Variants in B3GALT1 observed in about 807,000 individuals in gnomAD.
The protein encoded by B3GALT1 is beta-1,3-galactosyltransferase 1.
In B3GALT1, 10 loss-of-function variants were observed where a neutral mutation model predicts 23.2. The ratio of observed to expected loss-of-function variants is 0.43; its 90% CI spans 0.27 to 0.73. The LOEUF is 0.73. B3GALT1 is among the 30% of genes least tolerant of loss of function. The pLI is 0.21. For missense variants in B3GALT1, 299 were observed against 405.4 expected (o/e 0.74, Z 2.25); for synonymous variants, 156 against 141.5 (o/e 1.10, Z -0.73).
chr2:167,729,491 C>T (rs144327328), intron 3 of B3GALT1, among the ~76,000 whole-genome samples: 12 of 152,182 alleles, frequency 7.9e-5, no homozygotes, highest in East Asian at 1.9e-4. Flanking sequence ...TATGGAAAGG[C>T]GATAATAGCC....
At chr2:167,829,247 G>A (rs750281971) in intron 4 of B3GALT1, among the ~76,000 whole-genome samples, 1 of 152,154 alleles carries the variant, frequency 6.6e-6, no homozygotes, top group East Asian at 1.9e-4. Context: ...ACTTTGGGAG[G>A]CCGAGGTAGG....
chr2:167,531,842 A>G (rs1683331766), intron 2 of B3GALT1, among the ~76,000 whole-genome samples: 1 of 152,160 alleles, frequency 6.6e-6, no homozygotes, highest in African/African-American at 2.4e-5. Flanking sequence ...AAGATATTTT[A>G]ATTTACTTAG....
chr2:167,685,500 G>A (rs1188616993), intron 3 of B3GALT1, among the ~76,000 whole-genome samples: 1 of 152,138 alleles, frequency 6.6e-6, no homozygotes, highest in Non-Finnish European at 1.5e-5. Flanking sequence ...AAGAAGCTCA[G>A]GAAAGGCCTG....
intron 3 of B3GALT1, among the ~76,000 whole-genome samples, chr2:167,758,332 T>C (rs2105294915): frequency 1.3e-5 from 2 of 152,268 alleles, no homozygotes. Flanking sequence ...GATGGTGTGT[T>C]GGCTTCATTT....
At chr2:167,671,795 C>G (rs1686329940) in intron 3 of B3GALT1, among the ~76,000 whole-genome samples, 1 of 151,258 alleles carries the variant, frequency 6.6e-6, no homozygotes, top group Admixed American at 6.6e-5. Flanking sequence ...AAGATTAAAG[C>G]AAAAATAAAT....
intron 2 of B3GALT1, among the ~76,000 whole-genome samples, chr2:167,646,257 G>T (rs1558935681): frequency 2.0e-5 from 3 of 152,180 alleles, no homozygotes; most frequent in Non-Finnish European, 4.4e-5. Flanking sequence ...GAACCAGCAG[G>T]TTGGGTAAAG....
chr2:167,694,873 A>G (rs1686769107), intron 3 of B3GALT1, among the ~76,000 whole-genome samples: 1 of 152,220 alleles, frequency 6.6e-6, no homozygotes, highest in East Asian at 1.9e-4. Flanking sequence ...ATGTATTTCC[A>G]TTGCTGAAGA....
rs1404852985 is a variant in B3GALT1, at chr2:167,572,552, G to A, written c.-409-74357G>A. The stretch of plus-strand genomic sequence containing the variant: ...AACAAGACTTTCTCATTTTAGCCAT[G>A]TCTCACCAACAAAACAAAGATTGGA... On this transcript the variant is annotated intron_variant, in intron 2 of 4. Coordinates refer to ENST00000392690, the MANE Select transcript of B3GALT1 (RefSeq NM_020981.4). Among the ~76,000 whole-genome samples, 3 of 151,724 alleles carry A rather than the reference G, an allele frequency of 2.0e-5. No individual in the cohort carries two copies. In the East Asian group the frequency reaches 5.8e-4, roughly 29 times the overall value.
chr2:167,472,187 A>G (rs568173662), intron 1 of B3GALT1, among the ~76,000 whole-genome samples: 3 of 152,294 alleles, frequency 2.0e-5, no homozygotes, highest in African/African-American at 7.2e-5. Context: ...AAATTAGACA[A>G]TCGTTATGTG....
intron 2 of B3GALT1, among the ~76,000 whole-genome samples, chr2:167,550,120 A>G (rs1325729138): frequency 9.8e-5 from 15 of 152,340 alleles, no homozygotes; most frequent in Admixed American, 9.8e-4. Flanking sequence ...TTCTAATCTC[A>G]AAAGTCAACA....
intron 3 of B3GALT1, among the ~76,000 whole-genome samples, chr2:167,779,461 T>C (rs772878272): frequency 6.6e-6 from 1 of 152,224 alleles, no homozygotes; most frequent in Non-Finnish European, 1.5e-5. Context: ...CACTGTAATA[T>C]GGCTCTGACT....
chr2:167,596,002 A>G (rs1684767945), intron 2 of B3GALT1, among the ~76,000 whole-genome samples: 2 of 152,156 alleles, frequency 1.3e-5, no homozygotes, highest in South Asian at 4.1e-4. Context: ...TAGAAGAGAG[A>G]ATTGTGCAGG....
chr2:167,829,041 T>G (rs1689287314), intron 4 of B3GALT1, among the ~76,000 whole-genome samples: 1 of 152,218 alleles, frequency 6.6e-6, no homozygotes, highest in South Asian at 2.1e-4. Flanking sequence ...AAAACTAACT[T>G]TTTGCTTCAT....
chr2:167,802,648 C>T (rs866444479), intron 3 of B3GALT1, among the ~76,000 whole-genome samples: 13 of 152,134 alleles, frequency 8.5e-5, no homozygotes, highest in Non-Finnish European at 1.6e-4. Flanking sequence ...GGAACTCATT[C>T]GTAATTGAAA....
At chr2:167,511,968 T>A (rs1445869178) in intron 2 of B3GALT1, among the ~76,000 whole-genome samples, 1 of 152,158 alleles carries the variant, frequency 6.6e-6, no homozygotes, top group Non-Finnish European at 1.5e-5. Context: ...AAGTCCCTTC[T>A]CTCTTGGGGC....
chr2:167,418,205 C>T (rs1168175195), intron 1 of B3GALT1, among the ~76,000 whole-genome samples: 1 of 152,184 alleles, frequency 6.6e-6, no homozygotes, highest in African/African-American at 2.4e-5. Context: ...AGATCCCAGT[C>T]CCTGTGCTTT....
intron 3 of B3GALT1, among the ~76,000 whole-genome samples, chr2:167,729,130 G>T (rs1045686690): frequency 6.6e-6 from 1 of 152,190 alleles, no homozygotes; most frequent in Non-Finnish European, 1.5e-5. Context: ...GTGAGGGAGG[G>T]AGTGGGGATG....
At chr2:167,824,768 T>A (rs10192418) in intron 4 of B3GALT1, among the ~76,000 whole-genome samples, 1,662 of 152,256 alleles carry the variant, frequency 0.011, 29 homozygotes, top group African/African-American at 0.038. Flanking sequence ...TCCAGGTCTT[T>A]CCGATACAGA....
intron 3 of B3GALT1, among the ~76,000 whole-genome samples, chr2:167,666,368 A>C (rs1382595005): frequency 6.6e-6 from 1 of 152,170 alleles, no homozygotes; most frequent in East Asian, 1.9e-4. Flanking sequence ...CTTTACTTCC[A>C]ACTATGTGGT....
Sources: allele counts gnomAD v4.1 joint callset (sites outside exome capture counted in the v4.1 genomes callset), GRCh38; gene constraint gnomAD v4.1.1; transcripts MANE v1.5; gene names NCBI Gene and HGNC (gene_info 2026-07-23, HGNC 2026-07-21).